The following FOXO1 variants were observed in gnomAD, a reference collection of about 807,000 sequenced individuals.
FOXO1 encodes the protein forkhead box O1, also known as forkhead box protein O1.
Under a neutral mutation model 44.1 loss-of-function variants are expected in FOXO1, and 6 were observed. That is an observed-to-expected ratio of 0.14 (90% CI 0.07 to 0.27). FOXO1 has a LOEUF of 0.27. FOXO1 is among the 10% of genes least tolerant of loss of function. The pLI is 1.00. For missense variants in FOXO1, 737 were observed against 888.8 expected (o/e 0.83, Z 2.17); for synonymous variants, 380 against 362.7 (o/e 1.05, Z -0.54).
intron 1 of FOXO1, among the ~76,000 whole-genome samples, chr13:40,636,135 A>G (rs958201188): frequency 6.6e-6 from 1 of 152,076 alleles, no homozygotes; most frequent in African/African-American, 2.4e-5. Flanking sequence ...GAATCGCTTG[A>G]ACCTGGGAGG....
At chr13:40,576,472 G>C (rs1215239753) in intron 1 of FOXO1, among the ~76,000 whole-genome samples, 1 of 152,148 alleles carries the variant, frequency 6.6e-6, no homozygotes, top group East Asian at 1.9e-4. Flanking sequence ...ACTGTGAGTG[G>C]GTGTCTGTAT....
chr13:40,625,183 G>GA (rs1195999977), intron 1 of FOXO1, among the ~76,000 whole-genome samples: 2 of 152,128 alleles, frequency 1.3e-5, no homozygotes, highest in South Asian at 2.1e-4. Context: ...TCAACGTGGG[G>GA]AAAAAAGAGG....
At chr13:40,665,128 TCGCCGCGCCCTCCCC>T (rs963123864) in intron 1 of FOXO1, among the ~76,000 whole-genome samples, 13 of 149,806 alleles carry the variant, frequency 8.7e-5, no homozygotes, top group Non-Finnish European at 1.8e-4. Flanking sequence ...CCGGGGCCCC[TCGCCGCGCCCTCCCC>T]CGCCGCGCCC....
At chr13:40,582,196 C>G (rs969908766) in intron 1 of FOXO1, among the ~76,000 whole-genome samples, 2 of 152,086 alleles carry the variant, frequency 1.3e-5, no homozygotes, top group Non-Finnish European at 2.9e-5. Context: ...ATATTGTAGC[C>G]TATTAAGTGT....
intron 1 of FOXO1, among the ~76,000 whole-genome samples, chr13:40,649,649 A>G (rs989508122): frequency 7.9e-5 from 12 of 152,226 alleles, no homozygotes; most frequent in Non-Finnish European, 1.6e-4. Context: ...CACAGAGCAC[A>G]ATAATTATTT....
At chr13:40,598,882 G>A (rs1875699376) in intron 1 of FOXO1, among the ~76,000 whole-genome samples, 1 of 152,206 alleles carries the variant, frequency 6.6e-6, no homozygotes, top group African/African-American at 2.4e-5. Flanking sequence ...CATTTTCACA[G>A]CTCAATTAAG....
chr13:40,614,057 T>C (rs574262274), intron 1 of FOXO1, among the ~76,000 whole-genome samples: 17 of 152,266 alleles, frequency 1.1e-4, no homozygotes, highest in Admixed American at 2.6e-4. Context: ...TTTCCAGAAG[T>C]TCTGGTTCCT....
At position 40,559,873 on chromosome 13, in the gene FOXO1, G is replaced by A. The variant is rs148440850; in HGVS notation, c.1618C>T (p.Pro540Ser). 41 of 1,614,158 alleles carry A rather than the reference G, an allele frequency of 2.5e-5. No individual in the cohort carries two copies. In the South Asian group the frequency reaches 3.8e-4, roughly 15 times the overall value. ...QTSAVNGRPL[P>S]HTVSTMPHTS... ...TGGGGCATGGTGCTTACCGTGTGGG[G>A]CAGGGGACGCCCGTTAACTGCAGAT... is the stretch of plus-strand genomic sequence containing the variant. The change falls in exon 2 of 3, where the codon CCC becomes TCC. Residue 540 changes from proline (P) to serine (S), a missense_variant. Physicochemically the swap from Pro to Ser is moderately conservative, Grantham distance 74. Transcript: ENST00000379561.
chr13:40,576,864 T>C (rs1387260001), intron 1 of FOXO1, among the ~76,000 whole-genome samples: 1 of 152,256 alleles, frequency 6.6e-6, no homozygotes, highest in Non-Finnish European at 1.5e-5. Context: ...TCACAAGATT[T>C]GGCATAAAAA....
chr13:40,624,378 T>A (rs1381137572), intron 1 of FOXO1, among the ~76,000 whole-genome samples: 1 of 149,212 alleles, frequency 6.7e-6, no homozygotes, highest in Middle Eastern at 3.2e-3. Context: ...GAGAAATATG[T>A]TACTACAGGA....
chr13:40,573,272 CTG>C (rs1305514154), intron 1 of FOXO1, among the ~76,000 whole-genome samples: 7 of 152,332 alleles, frequency 4.6e-5, no homozygotes, highest in Admixed American at 2.0e-4. Context: ...GTGGGCACAT[CTG>C]TGTCAGAGGT....
At chr13:40,581,880 T>C (rs1874969130) in intron 1 of FOXO1, among the ~76,000 whole-genome samples, 2 of 152,172 alleles carry the variant, frequency 1.3e-5, no homozygotes, top group African/African-American at 4.8e-5. Flanking sequence ...TACAAAGAAT[T>C]TGTGGACCCC....
At chr13:40,601,186 A>G (rs1373608467) in intron 1 of FOXO1, among the ~76,000 whole-genome samples, 1 of 152,232 alleles carries the variant, frequency 6.6e-6, no homozygotes, top group African/African-American at 2.4e-5. Flanking sequence ...TCTTTGAAGG[A>G]TATTAAATGA....
intron 1 of FOXO1, among the ~76,000 whole-genome samples, chr13:40,636,440 T>C (rs568879433): frequency 8.6e-5 from 13 of 151,806 alleles, no homozygotes; most frequent in African/African-American, 2.4e-4. Flanking sequence ...GAGGCCAATA[T>C]GAGAGGACTG....
chr13:40,620,483 G>A (rs1876573172), intron 1 of FOXO1: 1 of 569,348 alleles, frequency 1.8e-6, no homozygotes, highest in Non-Finnish European at 3.2e-6. Flanking sequence ...GGCAGATTAT[G>A]ACTGGGTCTG....
chr13:40,651,092 T>G (rs9549250), intron 1 of FOXO1, among the ~76,000 whole-genome samples: 61,708 of 150,412 alleles, frequency 0.41, 13,823 homozygotes, highest in East Asian at 0.73. Flanking sequence ...TGGTTTTTTG[T>G]TTTTTGTTTT....
intron 1 of FOXO1, among the ~76,000 whole-genome samples, chr13:40,580,203 AG>A: frequency 6.6e-6 from 1 of 152,322 alleles, no homozygotes; most frequent in South Asian, 2.1e-4. Context: ...AAAACAAAGC[AG>A]TTCCTATCAA....
At position 40,560,200 on chromosome 13, in the gene FOXO1, T is replaced by G; in HGVS notation, c.1291A>C (p.Met431Leu). ...ATAGGCATCTGGGGCAAAGGGCTCA[T>G]GCTGGATTGGCCATATGTATATTTT... The part of the protein sequence containing the change: ...YQKYTYGQSS[M>L]SPLPQMPIQT... Residue 431 changes from methionine (M) to leucine (L), a missense_variant, in exon 2 of 3, where the codon ATG (methionine) becomes CTG (leucine). Met to Leu is a conservative substitution (Grantham distance 15). This residue lies in a region of FOXO1 where 283 missense variants were observed against 278.1 expected (regional missense o/e 1.02). Transcript: ENST00000379561. This position sits in a 1 kb window ranked among gnomAD's most constrained non-coding sequence, Gnocchi z 5.1. The G allele has an allele frequency of 6.2e-7, 1 of 1,614,232 alleles. No homozygotes were observed. The highest frequency in any genetic ancestry group is 1.1e-5 in the South Asian group (1 of 91,084).
At chr13:40,573,837 C>T (rs1874639637) in intron 1 of FOXO1, among the ~76,000 whole-genome samples, 1 of 152,178 alleles carries the variant, frequency 6.6e-6, no homozygotes, top group Non-Finnish European at 1.5e-5. Context: ...GATGAAAACA[C>T]AAAGATAATC....
Sources: gnomAD v4.1 joint callset for allele counts (sites outside exome capture counted in the v4.1 genomes callset) on GRCh38, gnomAD v4.1.1 for gene constraint, gnomAD v4.1.1 regional missense constraint, Gnocchi (gnomAD v3.1) non-coding constraint, MANE v1.5 for transcripts, NCBI Gene and HGNC (gene_info 2026-07-23, HGNC 2026-07-21) for gene names.